The following ZNF397 variants were observed in gnomAD, a reference collection of about 807,000 sequenced individuals.
The protein encoded by ZNF397 is zinc finger and SCAN domain-containing protein 15.
ZNF397 carries 38 observed loss-of-function variants against 50.6 expected under a neutral mutation model. The observed-to-expected ratio is 0.75, with a 90% confidence interval of 0.58 to 0.98. The LOEUF is 0.98. Among genes scored for constraint, ZNF397 ranks in the 50% least tolerant of loss-of-function variants. The probability of loss-of-function intolerance (pLI) is 0.00; values close to 1 mark genes in which losing one functional copy is unlikely to be tolerated. For missense variants in ZNF397, 624 were observed against 624.1 expected (o/e 1.00, Z 0.00); for synonymous variants, 228 against 215.2 (o/e 1.06, Z -0.52).
intron 3 of ZNF397, chr18:35,243,673 AC>A (rs1439826158): frequency 4.6e-6 from 2 of 439,036 alleles, no homozygotes; most frequent in African/African-American, 4.0e-5. Context: ...ATCTAAAGGC[AC>A]CTAACCCAAT....
downstream of ZNF397, chr18:35,254,023 A>C (rs771637464): frequency 1.2e-6 from 2 of 1,614,226 alleles, no homozygotes; most frequent in Non-Finnish European, 1.7e-6. Flanking sequence ...TCCCACAGTC[A>C]AAGCACTCAT....
At chr18:35,245,237 GT>G in intron 3 of ZNF397, 24 bp from the exon 4 acceptor site, 1 of 1,555,970 alleles carries the variant, frequency 6.4e-7, no homozygotes. Flanking sequence ...TGTAATATCT[GT>G]TTTTTTGCTA....
Position 35,245,820 on chromosome 18 carries a change from A to T in ZNF397, c.1115A>T (p.Asn372Ile). 1 of 1,552,318 alleles carries T rather than the reference A, an allele frequency of 6.4e-7. No homozygotes were observed. The highest frequency in any genetic ancestry group is 1.4e-5 in the African/African-American group (1 of 73,168). The change falls in exon 4 of 4, where the codon AAT becomes ATT. Residue 372 changes from asparagine (N) to isoleucine (I), a missense_variant. By Grantham distance (149) the Asn-to-Ile change is moderately radical. Transcript: ENST00000330501. The stretch of plus-strand genomic sequence containing the variant: ...ACTGGTGAGAAAGCTTGTAAATGTA[A>T]TGAGTGTGGCAAAGCATTCAGTCAA... Reference protein sequence around the residue: ...IHTGEKACKCNECGKAFSQSS... With the variant: ...IHTGEKACKCIECGKAFSQSS...
chr18:35,250,828 C>G (rs2077336292), downstream of ZNF397, among the ~76,000 whole-genome samples: 1 of 152,220 alleles, frequency 6.6e-6, no homozygotes, highest in South Asian at 2.1e-4. Context: ...CCTTCTTGCT[C>G]TCATTCCCAT....
At chr18:35,243,631 A>G in intron 3 of ZNF397, 2 of 555,376 alleles carry the variant, frequency 3.6e-6, no homozygotes, top group South Asian at 4.4e-5. Context: ...AAATTATAGA[A>G]TATAAGTAGG....
chr18:35,253,318 T>C, downstream of ZNF397: 1 of 630,780 alleles, frequency 1.6e-6, no homozygotes, highest in Non-Finnish European at 2.6e-6. Context: ...TTTGTGTGCA[T>C]GTCTTCTTAT....
Position 35,246,553 on chromosome 18 carries a change from A to G in ZNF397, c.*243A>G. The G allele has an allele frequency of 1.6e-6, 2 of 1,277,710 alleles. No individual in the cohort carries two copies. Among genetic ancestry groups the G allele is most frequent in the Non-Finnish European group, 9.9e-7 (1 of 1,013,460 alleles). 79.1% of individuals were successfully genotyped at this position (1,277,710 alleles called of 1,614,324 possible). A position where few individuals can be genotyped will look rare whatever the true frequency, so the allele number is the denominator to read the frequency against. On this transcript the variant is annotated 3_prime_UTR_variant, in exon 4 of 4. Transcript: ENST00000330501. Reference sequence around the variant, plus strand: ...AGCTCTTCTCTTATTAGGAATACTCAGGAAATACGAAAAGTGGGAATGTAA... The same window carrying G: ...AGCTCTTCTCTTATTAGGAATACTCGGGAAATACGAAAAGTGGGAATGTAA...
chr18:35,242,328 C>G (rs1051944684), intron 1 of ZNF397, 63 bp from the exon 2 acceptor site: 1 of 739,054 alleles, frequency 1.4e-6, no homozygotes, highest in Non-Finnish European at 2.2e-6. Context: ...ACTCATCTTT[C>G]TTATTACAAG....
intron 3 of ZNF397, 105 bp from the exon 4 acceptor site, chr18:35,245,157 C>A: frequency 1.4e-6 from 2 of 1,393,858 alleles, no homozygotes; most frequent in Non-Finnish European, 1.9e-6. Flanking sequence ...TACTGGAGGA[C>A]AGTGACATCT....
In ZNF397 at chr18:35,248,679, A is replaced by T. The variant is rs1276973961; in HGVS notation, c.*2369A>T. ...AGCATAGTGAGACCCCATCTCTACA[A>T]AAAATAAACAGAATTTGCCAGACGT... On this transcript the variant is annotated 3_prime_UTR_variant, in exon 4 of 4. Coordinates refer to ENST00000330501, the MANE Select transcript of ZNF397 (RefSeq NM_001135178.3). 6.6e-6 allele frequency: 1 copy of T among 152,096 alleles called. No homozygotes were observed. Among genetic ancestry groups the T allele is most frequent in the Admixed American group, 6.5e-5 (1 of 15,274 alleles). The allele number at this position is 152,096 out of a possible 1,614,324, so 9.4% of individuals were successfully genotyped here.
At chr18:35,241,229 G>C (rs1372758633) in intron 1 of ZNF397, 120 bp downstream of exon 1, 1 of 152,212 alleles carries the variant, frequency 6.6e-6, no homozygotes, top group African/African-American at 2.4e-5. Flanking sequence ...CCCGCGCGGC[G>C]TCTCCAAGCG....
chr18:35,243,609 T>A (rs1466658514), intron 3 of ZNF397: 2 of 590,900 alleles, frequency 3.4e-6, no homozygotes, highest in East Asian at 5.6e-5. Context: ...AAAAAGGCAG[T>A]TGCAATGTAG....
chr18:35,254,222 T>G (rs2249769), downstream of ZNF397: 71,475 of 1,614,102 alleles, frequency 0.044, 3,367 homozygotes, highest in East Asian at 0.23. Context: ...ATTTCCCTTT[T>G]GCTTCTTAGA....
At chr18:35,252,529 A>C (rs2043635893), downstream of ZNF397, 1 of 152,130 alleles carries the variant, frequency 6.6e-6, no homozygotes, top group Non-Finnish European at 1.5e-5. Flanking sequence ...TAGGTCTATG[A>C]CAATTTCTGC....
Position 35,245,309 on chromosome 18 carries a change from A to G in ZNF397, c.604A>G (p.Lys202Glu). ...AACAAAAGAGGGCATCTCAGAAGAA[A>G]AATCACAGGGACTCCCTCAGGAACC... ...TATKEGISEE[K>E]SQGLPQEPSF... The change falls in exon 4 of 4, where the codon AAA becomes GAA. Residue 202 changes from lysine to glutamate, a missense_variant. Coordinates refer to ENST00000330501, the MANE Select transcript of ZNF397 (RefSeq NM_001135178.3). The G allele has an allele frequency of 5.0e-6, 8 of 1,611,876 alleles. No homozygotes were observed. The highest frequency in any genetic ancestry group is 6.8e-6 in the Non-Finnish European group (8 of 1,178,658).
rs2043512054 is a variant in ZNF397 at position 35,248,092 on chromosome 18, G to A, written c.*1782G>A. 1 of 152,194 alleles carries A rather than the reference G, an allele frequency of 6.6e-6. No individual in the cohort carries two copies. Among genetic ancestry groups the A allele is most frequent in the African/African-American group, 2.4e-5 (1 of 41,440 alleles). The allele number at this position is 152,194 out of a possible 1,614,324, so 9.4% of individuals were successfully genotyped here. On this transcript the variant is annotated 3_prime_UTR_variant, in exon 4 of 4. Coordinates refer to ENST00000330501, the MANE Select transcript of ZNF397 (RefSeq NM_001135178.3). ...GCAGGAAGAGAATATTTAGACTGAT[G>A]CTTAGTGTAAGAAGGAATGTTGTAC... is the stretch of plus-strand genomic sequence containing the variant.
chr18:35,256,490 C>T (rs189999977), intron 5 of ZNF397, among the ~76,000 whole-genome samples: 16 of 151,382 alleles, frequency 1.1e-4, no homozygotes, highest in Non-Finnish European at 2.1e-4. Context: ...GAACCAGGGA[C>T]GTGGAGGTTG....
downstream of ZNF397, chr18:35,253,945 T>C (rs1256626511): frequency 6.8e-6 from 11 of 1,614,078 alleles, no homozygotes; most frequent in African/African-American, 4.0e-5. Flanking sequence ...ATTCTTTACA[T>C]GCATAAGGTC....
At chr18:35,253,628 G>C (rs2043673786), downstream of ZNF397, 2 of 1,614,094 alleles carry the variant, frequency 1.2e-6, no homozygotes, top group East Asian at 2.2e-5. Flanking sequence ...TTTCTCTCCA[G>C]TGTGAATTCT....
Sources: allele counts gnomAD v4.1 joint callset (sites outside exome capture counted in the v4.1 genomes callset), GRCh38; gene constraint gnomAD v4.1.1; transcripts MANE v1.5; gene names NCBI Gene and HGNC (gene_info 2026-07-23, HGNC 2026-07-21).